Variants in MMP16 observed in about 807,000 individuals in gnomAD.
MMP16 encodes matrix metallopeptidase 16, also known as matrix metalloproteinase-16.
Under a neutral mutation model 67.8 loss-of-function variants are expected in MMP16, and 12 were observed. That is an observed-to-expected ratio of 0.18 (90% CI 0.11 to 0.29). The LOEUF (loss-of-function observed/expected upper bound fraction) is 0.29. Among genes scored for constraint, MMP16 ranks in the 10% least tolerant of loss-of-function variants. MMP16 has a pLI of 1.00. For missense variants in MMP16, 475 were observed against 765.7 expected (o/e 0.62, Z 4.48); for synonymous variants, 249 against 255.9 (o/e 0.97, Z 0.26).
intron 4 of MMP16, among the ~76,000 whole-genome samples, chr8:88,152,446 AT>A (rs1808426369): frequency 2.2e-5 from 1 of 45,536 alleles, no homozygotes; most frequent in South Asian, 1.2e-3. Flanking sequence ...CTTGATGAAC[AT>A]TGATGCAAAA....
chr8:88,258,359 C>T (rs1810337290), intron 1 of MMP16, among the ~76,000 whole-genome samples: 1 of 152,116 alleles, frequency 6.6e-6, no homozygotes, highest in Non-Finnish European at 1.5e-5. Flanking sequence ...TTTCAATTTC[C>T]AAAACTATGA....
At chr8:88,091,230 T>C (rs888682845) in intron 6 of MMP16, among the ~76,000 whole-genome samples, 2 of 151,876 alleles carry the variant, frequency 1.3e-5, no homozygotes, top group African/African-American at 4.8e-5. Flanking sequence ...TATCATTCAT[T>C]CTTGTTGAAT....
Position 88,067,928 on chromosome 8 carries a change from T to C in MMP16, c.1222+6677A>G, listed in dbSNP as rs1298223445. On this transcript the variant is annotated intron_variant, in intron 7 of 9. Coordinates refer to ENST00000286614, the MANE Select transcript of MMP16 (RefSeq NM_005941.5). The stretch of plus-strand genomic sequence containing the variant: ...TAAGTTTTCATTTTTCTTGGGAAAA[T>C]ACCAAGGGTAAAATGGCTGGATTAT... Among the ~76,000 whole-genome samples the C allele has an allele frequency of 2.6e-5, 4 of 152,154 alleles. No individual in the cohort carries two copies. The South Asian group carries it at 8.3e-4, about 31-fold the overall frequency.
intron 1 of MMP16, among the ~76,000 whole-genome samples, chr8:88,203,052 G>A (rs1563561111): frequency 2.0e-5 from 3 of 151,440 alleles, no homozygotes; most frequent in Admixed American, 6.6e-5. Context: ...AACTTGCAAA[G>A]TGGGGGGTGC....
At chr8:88,232,542 G>T (rs976918698) in intron 1 of MMP16, among the ~76,000 whole-genome samples, 1 of 152,128 alleles carries the variant, frequency 6.6e-6, no homozygotes, top group Non-Finnish European at 1.5e-5. Flanking sequence ...CATATGTTCC[G>T]TATGGTGAGA....
chr8:88,074,773 A>T (rs760090974), intron 6 of MMP16, 30 bp from the exon 7 acceptor site: 1 of 1,606,366 alleles, frequency 6.2e-7, no homozygotes, highest in Non-Finnish European at 8.5e-7. Context: ...ATCTCTCAAC[A>T]AACACGTAGG....
Position 88,035,150 on chromosome 8 carries a change from T to A in MMP16, c.*6311A>T, listed in dbSNP as rs1346217698. 3 of 152,058 alleles carry A rather than the reference T, an allele frequency of 2.0e-5. No homozygotes were observed. In the South Asian group the frequency reaches 6.2e-4, roughly 31 times the overall value. The allele number at this position is 152,058 out of a possible 1,614,324, so 9.4% of individuals were successfully genotyped here. A position where few individuals can be genotyped will look rare whatever the true frequency, so the allele number is the denominator to read the frequency against. On this transcript the variant is annotated 3_prime_UTR_variant, in exon 10 of 10. Coordinates refer to ENST00000286614, the MANE Select transcript of MMP16 (RefSeq NM_005941.5). This position sits in a 1 kb window ranked among gnomAD's most constrained non-coding sequence, Gnocchi z 4.7. ...TTCACCATTCTTTTCTTCCAGTTTT[T>A]CTCTGTGAAATAAAGGTTAATGACA...
At chr8:88,289,689 AACACACACACACAC>A (rs4043664) in intron 1 of MMP16, among the ~76,000 whole-genome samples, 15 of 144,260 alleles carry the variant, frequency 1.0e-4, no homozygotes, top group East Asian at 2.0e-4. Context: ...TCCTAGAGGA[AACACACACACACAC>A]ACACACACAC....
intron 1 of MMP16, among the ~76,000 whole-genome samples, chr8:88,200,393 C>T (rs150960386): frequency 2.6e-5 from 4 of 151,978 alleles, no homozygotes; most frequent in Non-Finnish European, 4.4e-5. Flanking sequence ...CTGGGACTTA[C>T]CCCATCTCAT....
chr8:88,259,137 C>T (rs556130388), intron 1 of MMP16, among the ~76,000 whole-genome samples: 4 of 152,096 alleles, frequency 2.6e-5, no homozygotes, highest in Non-Finnish European at 4.4e-5. Context: ...TTTGAACCCA[C>T]GTCTGTGTAA....
chr8:88,226,086 C>T (rs10094119), intron 1 of MMP16, among the ~76,000 whole-genome samples: 1 of 151,668 alleles, frequency 6.6e-6, no homozygotes, highest in Non-Finnish European at 1.5e-5. Flanking sequence ...TGGCAACTAA[C>T]AAATAGACTG....
Position 88,086,180 on chromosome 8 carries a change from T to C in MMP16, c.1084-11437A>G, listed in dbSNP as rs187848024. 7.1e-4 allele frequency among the ~76,000 whole-genome samples: 108 copies of C among 151,958 alleles called. 5 individuals carry two copies. Among genetic ancestry groups the C allele is most frequent in the African/African-American group, 2.6e-3 (107 of 41,326 alleles). ...GTATTTATATCTTTTTCCTGTTTCT[T>C]CTTTAATCTACTCTTGTTCAGAAAT... On this transcript the variant is annotated intron_variant, in intron 6 of 9. Coordinates refer to ENST00000286614, the MANE Select transcript of MMP16 (RefSeq NM_005941.5).
chr8:88,071,751 A>G (rs2616488), intron 7 of MMP16, among the ~76,000 whole-genome samples: 39,953 of 152,060 alleles, frequency 0.26, 5,564 homozygotes, highest in East Asian at 0.4. Flanking sequence ...ATTGTTTAAG[A>G]CAACAAACTA....
chr8:88,065,423 TAG>T (rs1808452037), intron 7 of MMP16, among the ~76,000 whole-genome samples: 1 of 152,134 alleles, frequency 6.6e-6, no homozygotes, highest in Non-Finnish European at 1.5e-5. Flanking sequence ...TATTAGCAAT[TAG>T]AGTTTCAAAT....
chr8:88,225,431 A>G (rs1809753921), intron 1 of MMP16, among the ~76,000 whole-genome samples: 1 of 152,026 alleles, frequency 6.6e-6, no homozygotes, highest in Admixed American at 6.6e-5. Context: ...TATTATCTTT[A>G]AAGATACTTC....
chr8:88,220,534 C>CTT (rs34093457), intron 1 of MMP16, among the ~76,000 whole-genome samples: 4 of 146,952 alleles, frequency 2.7e-5, no homozygotes, highest in Non-Finnish European at 1.5e-5. Context: ...GTGTGCATGA[C>CTT]TTTTTTTTTT....
rs1808006093 is a variant in MMP16 at position 88,033,053 on chromosome 8, A to G, written c.*8408T>C. On this transcript the variant is annotated 3_prime_UTR_variant, in exon 10 of 10. Coordinates refer to ENST00000286614, the MANE Select transcript of MMP16 (RefSeq NM_005941.5). Reference sequence around the variant, plus strand: ...TGCTTCACAGTTTAATGTTATTTAAATAAAGTCTGTATTAATTTTAATTCT... The same window carrying G: ...TGCTTCACAGTTTAATGTTATTTAAGTAAAGTCTGTATTAATTTTAATTCT... 1 of 152,012 alleles carries G rather than the reference A, an allele frequency of 6.6e-6. No individual in the cohort carries two copies. Among genetic ancestry groups the G allele is most frequent in the Non-Finnish European group, 1.5e-5 (1 of 67,932 alleles). 9.4% of individuals were successfully genotyped at this position (152,012 alleles called of 1,614,324 possible).
At chr8:88,194,398 C>T (rs961942333) in intron 2 of MMP16, among the ~76,000 whole-genome samples, 5 of 151,792 alleles carry the variant, frequency 3.3e-5, no homozygotes, top group African/African-American at 4.8e-5. Flanking sequence ...AAAATTCATA[C>T]CTTATAATTT....
intron 6 of MMP16, among the ~76,000 whole-genome samples, chr8:88,079,366 T>C (rs1401904709): frequency 6.6e-6 from 1 of 152,152 alleles, no homozygotes. Flanking sequence ...TATTTCATTA[T>C]TGTTAATCTC....
Sources: gnomAD v4.1 joint callset for allele counts (sites outside exome capture counted in the v4.1 genomes callset) on GRCh38, gnomAD v4.1.1 for gene constraint, Gnocchi (gnomAD v3.1) non-coding constraint, MANE v1.5 for transcripts, NCBI Gene and HGNC (gene_info 2026-07-23, HGNC 2026-07-21) for gene names.